UBE2V2: variants seen among roughly 807,000 people sequenced by gnomAD.
UBE2V2 encodes ubiquitin conjugating enzyme E2 V2, also known as ubiquitin-conjugating enzyme E2 variant 2.
A neutral mutation model predicts 17.2 loss-of-function variants in UBE2V2; 9 were observed. That is an observed-to-expected ratio of 0.52 (90% CI 0.32 to 0.91). The LOEUF (loss-of-function observed/expected upper bound fraction) is 0.91, where lower values mean the gene tolerates loss of function less well. Ranked by LOEUF, UBE2V2 falls within the 40% of genes least tolerant of loss-of-function variation. The probability of loss-of-function intolerance (pLI) is 0.04; values close to 1 mark genes in which losing one functional copy is unlikely to be tolerated. For missense variants in UBE2V2, 133 were observed against 182.6 expected (o/e 0.73, Z 1.56); for synonymous variants, 61 against 57.5 (o/e 1.06, Z -0.28).
intron 1 of UBE2V2, among the ~76,000 whole-genome samples, chr8:48,026,230 T>TA (rs2154507172): frequency 6.6e-6 from 1 of 152,258 alleles, no homozygotes; most frequent in East Asian, 1.9e-4. Context: ...AACAGCTATG[T>TA]AACCCGGGCT....
intron 1 of UBE2V2, among the ~76,000 whole-genome samples, chr8:48,024,587 C>T (rs1189402830): frequency 6.6e-6 from 1 of 150,862 alleles, no homozygotes; most frequent in Non-Finnish European, 1.5e-5. Flanking sequence ...AAGAGCTAAA[C>T]TCCGTCTCAA....
chr8:48,025,374 C>G (rs1384402862), intron 1 of UBE2V2, among the ~76,000 whole-genome samples: 1 of 151,240 alleles, frequency 6.6e-6, no homozygotes, highest in East Asian at 1.9e-4. Context: ...AGCAATTCTC[C>G]TGCCTCAGCC....
chr8:48,016,516 C>T, intron 1 of UBE2V2, among the ~76,000 whole-genome samples: 1 of 151,616 alleles, frequency 6.6e-6, no homozygotes, highest in East Asian at 2.0e-4. Context: ...GAGTTTGGCT[C>T]TTGTTGCCCA....
In UBE2V2 at chr8:48,060,882, G is replaced by A. The variant is rs1802582988; in HGVS notation, c.*54G>A. The A allele has an allele frequency of 7.2e-7, 1 of 1,383,064 alleles. No homozygotes were observed. Among genetic ancestry groups the A allele is most frequent in the Middle Eastern group, 2.8e-4 (1 of 3,598 alleles). 85.7% of individuals were successfully genotyped at this position (1,383,064 alleles called of 1,614,324 possible). A position where few individuals can be genotyped will look rare whatever the true frequency, so the allele number is the denominator to read the frequency against. On this transcript the variant is annotated 3_prime_UTR_variant, in exon 4 of 4. Transcript: ENST00000523111. ...TCAACAACCTTCTACTCATGTTAAT[G>A]TCTTGATTAAATATCACAATGCAAA...
chr8:48,053,355 C>T (rs1275942063), intron 3 of UBE2V2, among the ~76,000 whole-genome samples: 1 of 151,728 alleles, frequency 6.6e-6, no homozygotes, highest in Admixed American at 6.6e-5. Context: ...ATAGAACCAG[C>T]ATCTATGTGT....
chr8:48,014,553 G>GAGA (rs1205151442), intron 1 of UBE2V2, among the ~76,000 whole-genome samples: 1 of 150,588 alleles, frequency 6.6e-6, no homozygotes, highest in Non-Finnish European at 1.5e-5. Context: ...GCTGAGGCAG[G>GAGA]AGAATGGTGT....
intron 2 of UBE2V2, 41 bp from the exon 3 acceptor site, chr8:48,049,812 G>C: frequency 1.3e-6 from 2 of 1,530,962 alleles, no homozygotes; most frequent in Non-Finnish European, 1.8e-6. Flanking sequence ...AATATTTTAG[G>C]TATTGTTATT....
chr8:48,035,631 TTGTGTG>T (rs201716659), intron 1 of UBE2V2, among the ~76,000 whole-genome samples: 8 of 109,530 alleles, frequency 7.3e-5, no homozygotes, highest in African/African-American at 2.0e-4. Flanking sequence ...TTTTTTTTTT[TTGTGTG>T]TGTGTGTGTG....
chr8:48,042,214 A>G (rs1052760191), intron 1 of UBE2V2: 2 of 152,200 alleles, frequency 1.3e-5, no homozygotes, highest in Non-Finnish European at 2.9e-5. Context: ...TGTCTTCCCA[A>G]AGTCAAATCC....
At chr8:48,020,137 C>G (rs1291456125) in intron 1 of UBE2V2, among the ~76,000 whole-genome samples, 2 of 150,712 alleles carry the variant, frequency 1.3e-5, no homozygotes, top group Non-Finnish European at 2.9e-5. Flanking sequence ...CTATTGAGAT[C>G]AGTGATTTTC....
At chr8:48,029,031 C>T (rs1446774745) in intron 1 of UBE2V2, among the ~76,000 whole-genome samples, 3 of 152,022 alleles carry the variant, frequency 2.0e-5, no homozygotes, top group African/African-American at 7.2e-5. Flanking sequence ...GTATGTAGCT[C>T]ATCATCTAGC....
chr8:48,012,624 A>G (rs956541205), intron 1 of UBE2V2, among the ~76,000 whole-genome samples: 3 of 151,898 alleles, frequency 2.0e-5, no homozygotes, highest in Non-Finnish European at 4.4e-5. Context: ...AGGCTGAGGC[A>G]GGAGAATCTC....
chr8:48,008,484 C>G lies in UBE2V2; in HGVS notation c.16+14C>G. ...CGGTCTCCACAGGTCGGTTCCCGGG[C>G]CGGGCTGCGTGATTTTCCGCTCCGA... On this transcript the variant is annotated intron_variant, in intron 1 of 3. Transcript: ENST00000523111. The G allele has an allele frequency of 6.4e-7, 1 of 1,567,146 alleles. No homozygotes were observed. The highest frequency in any genetic ancestry group is 8.6e-7 in the Non-Finnish European group (1 of 1,158,758).
chr8:48,007,665 T>C (rs190273298), upstream of UBE2V2, among the ~76,000 whole-genome samples: 27 of 149,282 alleles, frequency 1.8e-4, no homozygotes, highest in Admixed American at 1.7e-3. Flanking sequence ...TCCTCCTGCC[T>C]CAGCCTCCCA....
At chr8:48,010,694 G>GT (rs1257227876) in intron 1 of UBE2V2, among the ~76,000 whole-genome samples, 1 of 128,844 alleles carries the variant, frequency 7.8e-6, no homozygotes, top group Non-Finnish European at 1.6e-5. Flanking sequence ...GCCTGGGTTT[G>GT]TTTGTTTTTT....
At chr8:48,030,673 A>C (rs1038892136) in intron 1 of UBE2V2, among the ~76,000 whole-genome samples, 2 of 152,038 alleles carry the variant, frequency 1.3e-5, no homozygotes, top group African/African-American at 4.8e-5. Context: ...GTGAGTTGAG[A>C]TCGTGTACTC....
Position 48,016,318 on chromosome 8 carries a change from A to G in UBE2V2, c.16+7848A>G, listed in dbSNP as rs149343726. Among the ~76,000 whole-genome samples, 389 of 152,260 alleles carry G rather than the reference A, an allele frequency of 2.6e-3. 4 individuals are homozygous for G. The highest frequency in any genetic ancestry group is 3.2e-3 in the Non-Finnish European group (216 of 68,008). ...CATACTGATTTTATTTTCTTTGGCT[A>G]TATATGCAGTAGCAGGATTACTGGA... On this transcript the variant is annotated intron_variant, in intron 1 of 3. Transcript: ENST00000523111.
At chr8:48,049,124 G>T (rs1194319003) in intron 2 of UBE2V2, among the ~76,000 whole-genome samples, 1 of 152,066 alleles carries the variant, frequency 6.6e-6, no homozygotes, top group Non-Finnish European at 1.5e-5. Flanking sequence ...ATACCTATTT[G>T]AAAATGATGT....
At chr8:48,036,649 CT>C (rs2091427356) in intron 1 of UBE2V2, among the ~76,000 whole-genome samples, 1 of 151,298 alleles carries the variant, frequency 6.6e-6, no homozygotes, top group Non-Finnish European at 1.5e-5. Flanking sequence ...CTTGTCCAGG[CT>C]GGTCTTAAAC....
Sources: allele counts gnomAD v4.1 joint callset (sites outside exome capture counted in the v4.1 genomes callset), GRCh38; gene constraint gnomAD v4.1.1; transcripts MANE v1.5; gene names NCBI Gene and HGNC (gene_info 2026-07-23, HGNC 2026-07-21).